Variants in CAB39L observed in about 807,000 individuals in gnomAD.
CAB39L encodes calcium-binding protein 39-like.
A neutral mutation model predicts 39.1 loss-of-function variants in CAB39L; 23 were observed. That is an observed-to-expected ratio of 0.59 (90% confidence interval 0.42 to 0.83). CAB39L has a LOEUF of 0.83. Among genes scored for constraint, CAB39L ranks in the 40% least tolerant of loss-of-function variants. The pLI, the probability that CAB39L is intolerant of heterozygous loss-of-function variation, is 0.00. For synonymous variants in CAB39L, 126 were observed against 137.2 expected, an observed-to-expected ratio of 0.92 and a Z score of 0.57; for missense variants, 366 against 391.9, an observed-to-expected ratio of 0.93 and a Z score of 0.56.
At position 49,310,655 on chromosome 13, in the gene CAB39L, T is replaced by C. The variant is rs1953956334; in HGVS notation, c.*159A>G. 4 of 585,668 alleles carry C rather than the reference T, an allele frequency of 6.8e-6. No individual in the cohort carries two copies. Among genetic ancestry groups the C allele is most frequent in the Non-Finnish European group, 1.2e-5 (4 of 341,698 alleles). 36.3% of individuals were successfully genotyped at this position (585,668 alleles called of 1,614,324 possible). ...TGAATATATTATTCTAGGTTAATTT[T>C]TTTCCATTCAAATGTTTATACTCCA... is the stretch of plus-strand genomic sequence containing the variant. On this transcript the variant is annotated 3_prime_UTR_variant, in exon 11 of 11. Coordinates refer to ENST00000409308, the MANE Select transcript of CAB39L (RefSeq NM_001079670.3).
chr13:49,383,623 A>G (rs1466364676), intron 3 of CAB39L, among the ~76,000 whole-genome samples: 1 of 152,216 alleles, frequency 6.6e-6, no homozygotes, highest in Non-Finnish European at 1.5e-5. Context: ...ATTTCCCAAT[A>G]AAGTGAGTCA....
intron 3 of CAB39L, among the ~76,000 whole-genome samples, chr13:49,387,203 T>A (rs976663931): frequency 2.0e-5 from 3 of 152,224 alleles, no homozygotes; most frequent in African/African-American, 7.2e-5. Context: ...ACACCCATTC[T>A]GAGTCTTTAA....
At chr13:49,433,765 G>C (rs1026626580) in intron 2 of CAB39L, among the ~76,000 whole-genome samples, 4 of 152,160 alleles carry the variant, frequency 2.6e-5, no homozygotes, top group African/African-American at 9.7e-5. Context: ...AAAGGCTGTG[G>C]GAAGGCTTTC....
At chr13:49,337,090 GA>G (rs1250763781) in intron 9 of CAB39L, among the ~76,000 whole-genome samples, 6 of 152,218 alleles carry the variant, frequency 3.9e-5, no homozygotes, top group African/African-American at 1.4e-4. Context: ...GGTCATGGCT[GA>G]TGCAGGATCG....
chr13:49,440,756 G>C (rs1272473689), intron 1 of CAB39L, among the ~76,000 whole-genome samples: 3 of 127,668 alleles, frequency 2.3e-5, no homozygotes, highest in Non-Finnish European at 3.3e-5. Flanking sequence ...GTGTGTGTGT[G>C]TGTATGGCTA....
At chr13:49,353,778 A>G (rs989493365) in intron 6 of CAB39L, among the ~76,000 whole-genome samples, 6 of 152,060 alleles carry the variant, frequency 3.9e-5, no homozygotes, top group African/African-American at 7.2e-5. Context: ...TGTTGGGGAT[A>G]TGTTTTACTT....
chr13:49,373,647 C>A (rs1955982864), intron 5 of CAB39L, among the ~76,000 whole-genome samples: 1 of 152,176 alleles, frequency 6.6e-6, no homozygotes, highest in Admixed American at 6.5e-5. Flanking sequence ...TTCTTTTGGT[C>A]CAATTCTTTT....
At chr13:49,373,105 G>A (rs2138551653) in intron 5 of CAB39L, among the ~76,000 whole-genome samples, 1 of 152,292 alleles carries the variant, frequency 6.6e-6, no homozygotes, top group East Asian at 1.9e-4. Context: ...CAGTCTTCCT[G>A]ATCATCTTTC....
chr13:49,420,395 A>G (rs1406443320), intron 3 of CAB39L: 1 of 152,234 alleles, frequency 6.6e-6, no homozygotes, highest in Non-Finnish European at 1.5e-5. Context: ...TTGCAGTTAT[A>G]GTTATATATT....
intron 1 of CAB39L, among the ~76,000 whole-genome samples, chr13:49,434,970 CATG>C (rs1957386114): frequency 6.6e-6 from 1 of 152,134 alleles, no homozygotes; most frequent in South Asian, 2.1e-4. Flanking sequence ...TGTAGACATA[CATG>C]ATGATTTAGG....
intron 9 of CAB39L, among the ~76,000 whole-genome samples, chr13:49,339,184 A>G (rs1441855003): frequency 7.5e-6 from 1 of 133,712 alleles, no homozygotes; most frequent in Non-Finnish European, 1.5e-5. Context: ...AGGCTGGAGT[A>G]CATTGGCACG....
intron 3 of CAB39L, among the ~76,000 whole-genome samples, chr13:49,390,889 T>C (rs1199494780): frequency 1.3e-5 from 2 of 148,548 alleles, no homozygotes; most frequent in South Asian, 2.1e-4. Context: ...CAATATTGAT[T>C]GAATATAAAT....
chr13:49,382,719 A>G, intron 4 of CAB39L, 81 bp downstream of exon 4: 3 of 839,174 alleles, frequency 3.6e-6, no homozygotes, highest in Non-Finnish European at 6.0e-6. Flanking sequence ...CATATTTTGA[A>G]TTCTTCATTA....
chr13:49,411,258 A>C (rs963791637), intron 3 of CAB39L, among the ~76,000 whole-genome samples: 2 of 151,884 alleles, frequency 1.3e-5, no homozygotes, highest in African/African-American at 4.8e-5. Context: ...AAAATACAAA[A>C]TATCAGCTGG....
intron 7 of CAB39L, 40 bp from the exon 8 acceptor site, chr13:49,344,278 C>T (rs1190244810): frequency 8.9e-7 from 1 of 1,122,312 alleles, no homozygotes; most frequent in Non-Finnish European, 1.3e-6. Flanking sequence ...ACTGTTATAG[C>T]TATTAATATT....
chr13:49,325,276 C>A lies in CAB39L; in HGVS notation c.834+6671G>T, dbSNP rs950009111. Among the ~76,000 whole-genome samples the A allele has an allele frequency of 2.0e-5, 3 of 152,178 alleles. No individual in the cohort carries two copies. The South Asian group carries it at 6.2e-4, about 32-fold the overall frequency. On this transcript the variant is annotated intron_variant, in intron 10 of 10. Transcript: ENST00000409308. ...AGGGTAAAATAAGATCAAATGAGGA[C>A]ACGATAAAGCTGAATGTTCGACACC...
chr13:49,436,200 C>T (rs1184400455), intron 1 of CAB39L, among the ~76,000 whole-genome samples: 2 of 152,142 alleles, frequency 1.3e-5, no homozygotes, highest in Non-Finnish European at 2.9e-5. Context: ...AATTTTTCTT[C>T]ATCATTTTGA....
intron 3 of CAB39L, among the ~76,000 whole-genome samples, chr13:49,383,212 G>C (rs1956285165): frequency 6.6e-6 from 1 of 151,922 alleles, no homozygotes; most frequent in South Asian, 2.1e-4. Flanking sequence ...AATAATTTTA[G>C]AGTCCAAGTT....
rs1180937607 is a variant in CAB39L, at chr13:49,337,730, GCGCA to G, written c.690+1943_690+1946del. Among the ~76,000 whole-genome samples the G allele has an allele frequency of 8.7e-4, 74 of 85,444 alleles. No homozygotes were observed. The South Asian group carries it at 0.026, about 30-fold the overall frequency. The allele number at this position is 85,444 out of a possible 152,430, so 56.1% of individuals were successfully genotyped here. ...CTTCACTGATCGTCTAGCTGCTCTGGCGCACACACACACACACACACACACACAC... is the reference window on the plus strand; with the variant it reads ...CTTCACTGATCGTCTAGCTGCTCTGGCACACACACACACACACACACACAC... On this transcript the variant is annotated intron_variant, in intron 9 of 10. Transcript: ENST00000409308.
Sources: gnomAD v4.1 joint callset for allele counts (sites outside exome capture counted in the v4.1 genomes callset) on GRCh38, gnomAD v4.1.1 for gene constraint, MANE v1.5 for transcripts, NCBI Gene and HGNC (gene_info 2026-07-23, HGNC 2026-07-21) for gene names.